Variants in AGMO observed in about 807,000 individuals in gnomAD.
The protein encoded by AGMO is alkylglycerol monooxygenase.
Under a neutral mutation model 60.2 loss-of-function variants are expected in AGMO, and 75 were observed. That is an observed-to-expected ratio of 1.25 (90% CI 1.03 to 1.51). The LOEUF (loss-of-function observed/expected upper bound fraction) is 1.51, where lower values mean the gene tolerates loss of function less well. Ranked by LOEUF, AGMO falls within the 40% of genes most tolerant of loss-of-function variation. AGMO has a pLI of 0.00. For missense variants in AGMO, 763 were observed against 525.5 expected, an observed-to-expected ratio of 1.45 and a Z score of -4.42; for synonymous variants, 261 against 177.1, an observed-to-expected ratio of 1.47 and a Z score of -3.76.
At chr7:15,375,243 C>T (rs1170218469) in intron 10 of AGMO, among the ~76,000 whole-genome samples, 4 of 152,036 alleles carry the variant, frequency 2.6e-5, no homozygotes, top group African/African-American at 4.8e-5. Context: ...TTTCCTTGCA[C>T]TTTTAATAGG....
intron 5 of AGMO, among the ~76,000 whole-genome samples, chr7:15,401,358 C>T (rs776065522): frequency 2.6e-5 from 4 of 151,918 alleles, no homozygotes; most frequent in Admixed American, 6.6e-5. Flanking sequence ...ATTTTTGTGG[C>T]TTGGTTAAAA....
intron 12 of AGMO, among the ~76,000 whole-genome samples, chr7:15,307,290 C>G (rs373013589): frequency 3.3e-5 from 5 of 151,916 alleles, no homozygotes; most frequent in African/African-American, 4.8e-5. Flanking sequence ...CCAAGCCCAT[C>G]TATTTGGAAG....
intron 12 of AGMO, among the ~76,000 whole-genome samples, chr7:15,246,799 C>G (rs1021498203): frequency 6.6e-6 from 1 of 152,090 alleles, no homozygotes; most frequent in Non-Finnish European, 1.5e-5. Flanking sequence ...GCTAGCATTC[C>G]TCTTCTCCTC....
chr7:15,555,975 AGTACTATTATTAAC>A (rs1472648905), intron 2 of AGMO, among the ~76,000 whole-genome samples: 5 of 151,974 alleles, frequency 3.3e-5, no homozygotes, highest in Admixed American at 2.6e-4. Flanking sequence ...TTAATAATAA[AGTACTATTATTAAC>A]GTTACACAGA....
At chr7:15,501,604 A>T (rs764221822) in intron 3 of AGMO, among the ~76,000 whole-genome samples, 2 of 152,018 alleles carry the variant, frequency 1.3e-5, no homozygotes, top group Non-Finnish European at 2.9e-5. Flanking sequence ...GAGGTGAAAT[A>T]AAAGATAATA....
chr7:15,273,250 T>C (rs1211590526), intron 12 of AGMO, among the ~76,000 whole-genome samples: 1 of 152,240 alleles, frequency 6.6e-6, no homozygotes, highest in Non-Finnish European at 1.5e-5. Context: ...CTAGGATTTT[T>C]ATGGTTTTAG....
intron 12 of AGMO, among the ~76,000 whole-genome samples, chr7:15,338,389 ATCAG>A (rs1461146239): frequency 6.6e-6 from 1 of 152,166 alleles, no homozygotes; most frequent in Non-Finnish European, 1.5e-5. Flanking sequence ...TTGCATTCTA[ATCAG>A]TCAAATTATT....
At chr7:15,552,145 C>T (rs1422676641) in intron 2 of AGMO, among the ~76,000 whole-genome samples, 3 of 152,168 alleles carry the variant, frequency 2.0e-5, no homozygotes, top group South Asian at 2.1e-4. Context: ...GGATCCCTTC[C>T]TTACACCCTA....
At chr7:15,130,695 T>A in the AGMO span, among the ~76,000 whole-genome samples, 1 of 151,670 alleles carries the variant, frequency 6.6e-6, no homozygotes, top group African/African-American at 2.4e-5. Context: ...GGTTTTATAG[T>A]GAAGAATATT....
At chr7:15,138,189 G>A in the AGMO span, among the ~76,000 whole-genome samples, 2 of 152,122 alleles carry the variant, frequency 1.3e-5, no homozygotes, top group East Asian at 3.9e-4. Flanking sequence ...CCTTTAGCTT[G>A]CATAACTGTT....
chr7:15,148,648 C>T, the AGMO span, among the ~76,000 whole-genome samples: 1 of 152,112 alleles, frequency 6.6e-6, no homozygotes. Context: ...TTGCAAAGGA[C>T]ATGATTCCAT....
the AGMO span, among the ~76,000 whole-genome samples, chr7:15,133,934 C>G: frequency 2.0e-5 from 3 of 152,132 alleles, no homozygotes; most frequent in Non-Finnish European, 4.4e-5. Context: ...TATACTGTTT[C>G]TGACAATTGT....
At chr7:15,224,646 C>A (rs1782022812) in intron 12 of AGMO, among the ~76,000 whole-genome samples, 1 of 151,940 alleles carries the variant, frequency 6.6e-6, no homozygotes, top group Non-Finnish European at 1.5e-5. Context: ...GTCTTATACC[C>A]CTCCCTTATT....
Position 15,322,639 on chromosome 7 carries a change from TAA to T in AGMO, c.1263+42873_1263+42874del, listed in dbSNP as rs1563086657. ...ATATATAAATATATATAAATATATA[TAA>T]ATATATAAATATATATATAAATATA... On this transcript the variant is annotated intron_variant, in intron 12 of 12. Coordinates refer to ENST00000342526, the MANE Select transcript of AGMO (RefSeq NM_001004320.2). 5.1e-4 allele frequency among the ~76,000 whole-genome samples: 32 copies of T among 62,338 alleles called. 5 individuals are homozygous for T. Among genetic ancestry groups the T allele is most frequent in the African/African-American group, 1.5e-3 (18 of 11,718 alleles). 40.9% of individuals were successfully genotyped at this position (62,338 alleles called of 152,430 possible).
intron 12 of AGMO, among the ~76,000 whole-genome samples, chr7:15,201,736 G>C (rs143778167): frequency 1.3e-5 from 2 of 152,114 alleles, no homozygotes; most frequent in East Asian, 3.9e-4. Context: ...GAAACCTTTG[G>C]AATAGGAGAA....
intron 12 of AGMO, among the ~76,000 whole-genome samples, chr7:15,253,719 TCTAG>T (rs1346145692): frequency 1.3e-5 from 2 of 152,174 alleles, no homozygotes; most frequent in African/African-American, 4.8e-5. Context: ...AATTCTCTCT[TCTAG>T]CTATTTGAAA....
intron 12 of AGMO, among the ~76,000 whole-genome samples, chr7:15,337,440 G>A (rs1781697338): frequency 6.6e-6 from 1 of 152,096 alleles, no homozygotes; most frequent in South Asian, 2.1e-4. Context: ...TGGTAGCCTT[G>A]CACAACTCAA....
chr7:15,470,407 T>C (rs1342836462), intron 3 of AGMO, among the ~76,000 whole-genome samples: 1 of 151,986 alleles, frequency 6.6e-6, no homozygotes, highest in Non-Finnish European at 1.5e-5. Flanking sequence ...ATCTTTCTCT[T>C]TTTTTCTGTT....
rs578177297 is a variant in AGMO at position 15,477,653 on chromosome 7, A to C, written c.410-46545T>G. ...TCACTGATGTCCACTAAGCCAGTAA[A>C]GTAACTTACTGTTTCAGATATCAAA... On this transcript the variant is annotated intron_variant, in intron 3 of 12. Transcript: ENST00000342526. 3.3e-5 allele frequency among the ~76,000 whole-genome samples: 5 copies of C among 152,270 alleles called. No individual in the cohort carries two copies. The South Asian group carries it at 8.3e-4, about 25-fold the overall frequency.
Sources: gnomAD v4.1 joint callset for allele counts (sites outside exome capture counted in the v4.1 genomes callset) on GRCh38, gnomAD v4.1.1 for gene constraint, MANE v1.5 for transcripts, NCBI Gene and HGNC (gene_info 2026-07-23, HGNC 2026-07-21) for gene names.